LPP: variants seen among roughly 807,000 people sequenced by gnomAD.
The protein encoded by LPP is LIM domain containing preferred translocation partner in lipoma.
Under a neutral mutation model 60.4 loss-of-function variants are expected in LPP, and 38 were observed. The ratio of observed to expected loss-of-function variants is 0.63; its 90% CI spans 0.49 to 0.83. The LOEUF (loss-of-function observed/expected upper bound fraction) is 0.83, where lower values mean the gene tolerates loss of function less well. Among genes scored for constraint, LPP ranks in the 40% least tolerant of loss-of-function variants. LPP has a pLI of 0.00. For missense variants in LPP, 902 were observed against 783.6 expected (o/e 1.15, Z -1.80); for synonymous variants, 328 against 290.8 (o/e 1.13, Z -1.30).
intron 7 of LPP, among the ~76,000 whole-genome samples, chr3:188,684,594 T>A (rs1381103482): frequency 6.6e-6 from 1 of 152,132 alleles, no homozygotes; most frequent in African/African-American, 2.4e-5. Flanking sequence ...ACGCTGTTAG[T>A]GTTAGAAATG....
chr3:188,267,398 G>A (rs916782759), intron 2 of LPP, among the ~76,000 whole-genome samples: 6 of 152,106 alleles, frequency 3.9e-5, no homozygotes, highest in Admixed American at 6.5e-5. Flanking sequence ...TTTGGATGTC[G>A]GTGTTTTCAG....
At chr3:188,336,033 A>C (rs1297299513) in intron 2 of LPP, among the ~76,000 whole-genome samples, 1 of 152,164 alleles carries the variant, frequency 6.6e-6, no homozygotes, top group Non-Finnish European at 1.5e-5. Context: ...CAGTAGCTTA[A>C]GTTGTAGAAA....
chr3:188,339,575 A>T (rs1307487046), intron 2 of LPP, among the ~76,000 whole-genome samples: 1 of 152,220 alleles, frequency 6.6e-6, no homozygotes. Flanking sequence ...ACAGGGCGGC[A>T]GGAAAGAGTG....
At chr3:188,554,179 A>C (rs1828910486) in intron 6 of LPP, 1 of 152,084 alleles carries the variant, frequency 6.6e-6, no homozygotes, top group African/African-American at 2.4e-5. Context: ...TTTCTGGAAG[A>C]ATTTAGCCTC....
At chr3:188,803,111 C>G (rs1014414363) in intron 9 of LPP, among the ~76,000 whole-genome samples, 1 of 142,138 alleles carries the variant, frequency 7.0e-6, no homozygotes, top group Admixed American at 7.2e-5. Context: ...GTGGCACAAT[C>G]TCAGCTCATT....
chr3:188,290,865 C>T (rs551957452), intron 2 of LPP, among the ~76,000 whole-genome samples: 217 of 152,186 alleles, frequency 1.4e-3, no homozygotes, highest in Non-Finnish European at 2.3e-3. Flanking sequence ...CTGTGTCTTC[C>T]GGGCAAGTTC....
chr3:188,613,385 G>C (rs1166491207), intron 7 of LPP, among the ~76,000 whole-genome samples: 1 of 151,470 alleles, frequency 6.6e-6, no homozygotes, highest in Non-Finnish European at 1.5e-5. Context: ...GAAAGTTCCA[G>C]TGCTAGGACC....
At chr3:188,643,748 C>T (rs1337212340) in intron 7 of LPP, among the ~76,000 whole-genome samples, 2 of 152,096 alleles carry the variant, frequency 1.3e-5, no homozygotes, top group African/African-American at 4.8e-5. Context: ...CCCCGTATTT[C>T]AGTAGCGTCT....
chr3:188,857,440 T>C (rs1188038067), intron 9 of LPP, among the ~76,000 whole-genome samples: 1 of 152,236 alleles, frequency 6.6e-6, no homozygotes, highest in Admixed American at 6.5e-5. Flanking sequence ...CTGTGTGTCA[T>C]GTAATGCGGA....
chr3:188,185,744 C>T (rs899412357), intron 1 of LPP, among the ~76,000 whole-genome samples: 2 of 152,182 alleles, frequency 1.3e-5, no homozygotes, highest in Admixed American at 1.3e-4. Flanking sequence ...CAACGGGCAG[C>T]GGCTTCCCTT....
intron 7 of LPP, among the ~76,000 whole-genome samples, chr3:188,641,039 A>G (rs1055255234): frequency 2.0e-5 from 3 of 152,168 alleles, no homozygotes; most frequent in Admixed American, 6.5e-5. Context: ...AATCTCTCCA[A>G]TCACAAGGGA....
At chr3:188,503,038 G>C (rs902195844) in intron 5 of LPP, among the ~76,000 whole-genome samples, 3 of 151,742 alleles carry the variant, frequency 2.0e-5, no homozygotes, top group Admixed American at 2.0e-4. Flanking sequence ...ATGCTTTATA[G>C]TTTCTTTGTC....
intron 8 of LPP, chr3:188,710,982 G>A (rs1866515750): frequency 6.6e-6 from 1 of 152,268 alleles, no homozygotes; most frequent in African/African-American, 2.4e-5. Flanking sequence ...GTTGTTTTAA[G>A]AAATGGATGA....
Position 188,807,424 on chromosome 3 carries a change from G to A in LPP, c.1410+47142G>A, listed in dbSNP as rs564113501. ...TTGGTTGTTTATTCTTTAGAAGATA[G>A]CCAATATCTCTTCAATTTTTATTTT... is the stretch of plus-strand genomic sequence containing the variant. On this transcript the variant is annotated intron_variant, in intron 9 of 11. Coordinates refer to ENST00000617246, the MANE Select transcript of LPP (RefSeq NM_001375462.1). 5.3e-5 allele frequency among the ~76,000 whole-genome samples: 8 copies of A among 152,048 alleles called. No individual in the cohort carries two copies. The South Asian group carries it at 1.5e-3, about 28-fold the overall frequency.
chr3:188,588,388 A>G (rs1837947166), intron 6 of LPP, among the ~76,000 whole-genome samples: 2 of 152,130 alleles, frequency 1.3e-5, no homozygotes, highest in African/African-American at 4.8e-5. Context: ...CCTTAATTCT[A>G]TTAAATTAGT....
In LPP at chr3:188,890,472, G is replaced by A. The variant is rs1051152759; in HGVS notation, c.*15993G>A. 1 of 193,500 alleles carries A rather than the reference G, an allele frequency of 5.2e-6. No individual in the cohort carries two copies. The highest frequency in any genetic ancestry group is 1.1e-5 in the Non-Finnish European group (1 of 92,984). 12.0% of individuals were successfully genotyped at this position (193,500 alleles called of 1,614,324 possible). On this transcript the variant is annotated 3_prime_UTR_variant, in exon 12 of 12. Transcript: ENST00000617246. ...AAATCTGTTATAAGCAAGTGATTTA[G>A]GTATTTTCTTTTGTGTTTATGCATT...
At chr3:188,333,230 T>C (rs1760638652) in intron 2 of LPP, among the ~76,000 whole-genome samples, 1 of 152,220 alleles carries the variant, frequency 6.6e-6, no homozygotes, top group Non-Finnish European at 1.5e-5. Flanking sequence ...TGATAGATAT[T>C]AGCACAACAA....
intron 4 of LPP, among the ~76,000 whole-genome samples, chr3:188,472,374 A>G (rs1802062871): frequency 6.6e-6 from 1 of 152,178 alleles, no homozygotes; most frequent in African/African-American, 2.4e-5. Context: ...TGTCAGCTCC[A>G]GTATTCCTTT....
intron 9 of LPP, among the ~76,000 whole-genome samples, chr3:188,769,834 A>G (rs1049458355): frequency 2.6e-5 from 4 of 152,274 alleles, no homozygotes; most frequent in African/African-American, 9.6e-5. Flanking sequence ...GAGTGTAGAA[A>G]TAGGACAGCG....
Sources: gnomAD v4.1 joint callset for allele counts (sites outside exome capture counted in the v4.1 genomes callset) on GRCh38, gnomAD v4.1.1 for gene constraint, MANE v1.5 for transcripts, NCBI Gene and HGNC (gene_info 2026-07-23, HGNC 2026-07-21) for gene names.